The following R3HDM2 variants were observed in gnomAD, a reference collection of about 807,000 sequenced individuals.
R3HDM2 encodes the protein R3H domain-containing protein 2.
A neutral mutation model predicts 124.5 loss-of-function variants in R3HDM2; 38 were observed. The observed-to-expected ratio is 0.31, with a 90% CI of 0.24 to 0.40. R3HDM2 has a LOEUF of 0.40. Ranked by LOEUF, R3HDM2 falls within the 10% of genes least tolerant of loss-of-function variation. The pLI is 1.00. For missense variants in R3HDM2, 869 were observed against 1,236.9 expected, an observed-to-expected ratio of 0.70 and a Z score of 4.46; for synonymous variants, 391 against 448.0, an observed-to-expected ratio of 0.87 and a Z score of 1.61.
At chr12:57,375,644 T>C (rs941218166) in intron 2 of R3HDM2, among the ~76,000 whole-genome samples, 4 of 151,674 alleles carry the variant, frequency 2.6e-5, no homozygotes, top group African/African-American at 7.3e-5. Flanking sequence ...ATATGGTCCA[T>C]TTAAAGTACT....
rs796431869 is a variant in R3HDM2 at position 57,379,139 on chromosome 12, G to A, written c.-36+16610C>T. 5.3e-5 allele frequency among the ~76,000 whole-genome samples: 8 copies of A among 152,274 alleles called. No homozygotes were observed. The East Asian group carries it at 9.6e-4, about 18-fold the overall frequency. On this transcript the variant is annotated intron_variant, in intron 2 of 23. Coordinates refer to ENST00000402412, the MANE Select transcript of R3HDM2 (RefSeq NM_001394031.1). ...GTTTTACAAAATGAAAATAATTATG[G>A]AGAAGGATTGGTGGTGATGGCTGCA... is the stretch of plus-strand genomic sequence containing the variant.
intron 1 of R3HDM2, among the ~76,000 whole-genome samples, chr12:57,424,051 T>C (rs1354224128): frequency 8.0e-6 from 1 of 124,992 alleles, no homozygotes; most frequent in African/African-American, 3.1e-5. Context: ...GAGTCGGAGG[T>C]TGCGGTGAGC....
At chr12:57,329,920 T>C (rs1356493222) in intron 2 of R3HDM2, among the ~76,000 whole-genome samples, 2 of 152,226 alleles carry the variant, frequency 1.3e-5, no homozygotes. Flanking sequence ...TTTATTGTTT[T>C]TGATGCTATT....
At chr12:57,401,627 G>A (rs1435728073) in intron 1 of R3HDM2, among the ~76,000 whole-genome samples, 1 of 152,196 alleles carries the variant, frequency 6.6e-6, no homozygotes, top group African/African-American at 2.4e-5. Flanking sequence ...GAGCTCTCAA[G>A]TGAAAATCAG....
chr12:57,428,410 T>A (rs1173648136), intron 1 of R3HDM2, among the ~76,000 whole-genome samples: 1 of 151,002 alleles, frequency 6.6e-6, no homozygotes, highest in African/African-American at 2.4e-5. Flanking sequence ...GGTGGGCAGA[T>A]CACGAGGTCA....
Position 57,357,466 on chromosome 12 carries a change from A to G in R3HDM2, c.-36+38283T>C, listed in dbSNP as rs1251217632. On this transcript the variant is annotated intron_variant, in intron 2 of 23. Coordinates refer to ENST00000402412, the MANE Select transcript of R3HDM2 (RefSeq NM_001394031.1). ...GACAGAGCAAGATTCCATCTCAAGA[A>G]AAAAAAAAAAAGGAATGGTTCATGA... is the stretch of plus-strand genomic sequence containing the variant. Among the ~76,000 whole-genome samples, 3 of 148,864 alleles carry G rather than the reference A, an allele frequency of 2.0e-5. No individual in the cohort carries two copies. In the East Asian group the frequency reaches 5.9e-4, roughly 29 times the overall value.
intron 2 of R3HDM2, among the ~76,000 whole-genome samples, chr12:57,388,174 A>G (rs1234649517): frequency 1.3e-5 from 2 of 152,168 alleles, no homozygotes; most frequent in Non-Finnish European, 2.9e-5. Context: ...CATGTTGGCC[A>G]GGCTGACCTG....
chr12:57,428,747 TA>T (rs1198754924), intron 1 of R3HDM2, among the ~76,000 whole-genome samples: 24 of 117,218 alleles, frequency 2.0e-4, no homozygotes, highest in African/African-American at 7.0e-4. Flanking sequence ...GGCATGCTAT[TA>T]TTTTTTTTTT....
At chr12:57,317,042 T>G (rs1467031502) in intron 2 of R3HDM2, among the ~76,000 whole-genome samples, 1 of 151,938 alleles carries the variant, frequency 6.6e-6, no homozygotes, top group Non-Finnish European at 1.5e-5. Context: ...ACATCGCACC[T>G]GGCCTAATTT....
Position 57,258,034 on chromosome 12 carries a change from A to C in R3HDM2, c.2405T>G (p.Leu802Arg). ...CCGGGGGAACTGTGTGAGGACAGGC[A>C]GGGGACTGAGTCCTGTGCAGACACT... ...LSSVCTGLSP[L>R]PVLTQFPRPG... The change falls in exon 21 of 24, where the codon CTG becomes CGG. Residue 802 changes from leucine to arginine, a missense_variant. Leu to Arg is a moderately radical substitution (Grantham distance 102). Coordinates refer to ENST00000402412, the MANE Select transcript of R3HDM2 (RefSeq NM_001394031.1). The C allele has an allele frequency of 6.3e-7, 1 of 1,593,894 alleles. No homozygotes were observed. Among genetic ancestry groups the C allele is most frequent in the Non-Finnish European group, 8.6e-7 (1 of 1,166,018 alleles).
intron 2 of R3HDM2, among the ~76,000 whole-genome samples, chr12:57,374,716 G>A (rs933563986): frequency 5.0e-5 from 7 of 141,226 alleles, no homozygotes; most frequent in South Asian, 4.4e-4. Context: ...AAAAAAGGCC[G>A]GGCGCGGTGG....
chr12:57,377,915 C>T (rs1367010217), intron 2 of R3HDM2, among the ~76,000 whole-genome samples: 1 of 152,088 alleles, frequency 6.6e-6, no homozygotes, highest in Non-Finnish European at 1.5e-5. Flanking sequence ...TGGTAAAACC[C>T]CATCTCTACT....
intron 21 of R3HDM2, among the ~76,000 whole-genome samples, chr12:57,256,918 C>T (rs536574663): frequency 4.6e-5 from 7 of 151,692 alleles, no homozygotes; most frequent in South Asian, 2.1e-4. Flanking sequence ...TCCTGGGAAG[C>T]GATTCTCCTG....
chr12:57,342,440 C>T, intron 2 of R3HDM2, among the ~76,000 whole-genome samples: 1 of 152,072 alleles, frequency 6.6e-6, no homozygotes, highest in East Asian at 1.9e-4. Flanking sequence ...ATCCAGAGCT[C>T]TGCCAACAGT....
At chr12:57,278,848 T>C (rs1050563789) in intron 14 of R3HDM2, among the ~76,000 whole-genome samples, 1 of 152,176 alleles carries the variant, frequency 6.6e-6, no homozygotes, top group African/African-American at 2.4e-5. Context: ...CATTTCACAA[T>C]ATTTGAGATA....
intron 21 of R3HDM2, among the ~76,000 whole-genome samples, chr12:57,257,157 C>T (rs1452918615): frequency 1.3e-5 from 2 of 152,074 alleles, no homozygotes; most frequent in African/African-American, 4.8e-5. Context: ...AACCCCTAAA[C>T]CCAGGGTTCA....
intron 2 of R3HDM2, among the ~76,000 whole-genome samples, chr12:57,374,036 G>C (rs1476443165): frequency 1.4e-5 from 2 of 144,680 alleles, no homozygotes; most frequent in Non-Finnish European, 3.0e-5. Flanking sequence ...GCTAAGGTAG[G>C]AGAATTGCTT....
intron 21 of R3HDM2, among the ~76,000 whole-genome samples, 200 bp from the exon 22 acceptor site, chr12:57,256,711 A>G (rs1469440112): frequency 3.3e-5 from 5 of 152,136 alleles, no homozygotes; most frequent in African/African-American, 1.2e-4. Flanking sequence ...GATAAATGGG[A>G]CTACTAGGTC....
At chr12:57,291,777 C>T (rs2048695837) in intron 11 of R3HDM2, among the ~76,000 whole-genome samples, 2 of 152,098 alleles carry the variant, frequency 1.3e-5, no homozygotes, top group Non-Finnish European at 2.9e-5. Context: ...GTGCTCATAT[C>T]TGGATACTAC....
Sources: allele counts gnomAD v4.1 joint callset (sites outside exome capture counted in the v4.1 genomes callset), GRCh38; gene constraint gnomAD v4.1.1; transcripts MANE v1.5; gene names NCBI Gene and HGNC (gene_info 2026-07-23, HGNC 2026-07-21).